Variants in SORCS2 observed in about 807,000 individuals in gnomAD.
SORCS2 encodes VPS10 domain-containing receptor SorCS2.
SORCS2 carries 100 observed loss-of-function variants against 141.6 expected under a neutral mutation model. The observed-to-expected ratio is 0.71, with a 90% confidence interval of 0.60 to 0.83. The LOEUF (loss-of-function observed/expected upper bound fraction) is 0.83, where lower values mean the gene tolerates loss of function less well. SORCS2 is among the 40% of genes least tolerant of loss of function. The pLI is 0.00. For synonymous variants in SORCS2, 789 were observed against 676.9 expected, an observed-to-expected ratio of 1.17 and a Z score of -2.57; for missense variants, 1,646 against 1,560.2, an observed-to-expected ratio of 1.05 and a Z score of -0.93.
Position 7,586,271 on chromosome 4 carries a change from C to G in SORCS2, c.649-52057C>G, listed in dbSNP as rs78680989. Among the ~76,000 whole-genome samples, 1,456 of 152,298 alleles carry G rather than the reference C, an allele frequency of 9.6e-3. 28 individuals are homozygous for G. The highest frequency in any genetic ancestry group is 0.033 in the African/African-American group (1,391 of 41,568). ...AAGTCTGTCTGTCTGGTCCCTGATT[C>G]TGTTTCTACGTTTTCATTCTGCCTT... On this transcript the variant is annotated intron_variant, in intron 3 of 26. Coordinates refer to ENST00000507866, the MANE Select transcript of SORCS2 (RefSeq NM_020777.3).
intron 2 of SORCS2, among the ~76,000 whole-genome samples, chr4:7,448,374 T>A (rs1181606079): frequency 2.0e-5 from 3 of 151,720 alleles, no homozygotes; most frequent in South Asian, 2.1e-4. Flanking sequence ...AAGGAAGGGT[T>A]TTGCCTGCCT....
At chr4:7,722,882 C>T (rs1726686238) in intron 18 of SORCS2, among the ~76,000 whole-genome samples, 1 of 152,134 alleles carries the variant, frequency 6.6e-6, no homozygotes, top group East Asian at 1.9e-4. Context: ...TTAGTAATCA[C>T]GCTGTTTCCT....
chr4:7,252,179 A>C (rs1446952560), intron 1 of SORCS2, among the ~76,000 whole-genome samples: 2 of 152,226 alleles, frequency 1.3e-5, no homozygotes, highest in East Asian at 1.9e-4. Flanking sequence ...GGGCCTCAGC[A>C]CTTGTGGAGG....
At chr4:7,421,342 A>G (rs1209201951) in intron 2 of SORCS2, among the ~76,000 whole-genome samples, 1 of 152,150 alleles carries the variant, frequency 6.6e-6, no homozygotes, top group Admixed American at 6.5e-5. Context: ...AGGCTTGTGG[A>G]CCTGATAGAT....
In SORCS2 at chr4:7,485,384, C is replaced by T. The variant is rs377240745; in HGVS notation, c.549-46146C>T. Among the ~76,000 whole-genome samples the T allele has an allele frequency of 5.3e-5, 8 of 152,224 alleles. No individual in the cohort carries two copies. In the East Asian group the frequency reaches 7.7e-4, roughly 15 times the overall value. On this transcript the variant is annotated intron_variant, in intron 2 of 26. Coordinates refer to ENST00000507866, the MANE Select transcript of SORCS2 (RefSeq NM_020777.3). ...CCCGGAGTTGCCTCCACAACTATCC[C>T]GTCACACCAGGGCTGGCTCAGGCTC...
chr4:7,695,207 G>A (rs981542072), intron 11 of SORCS2, among the ~76,000 whole-genome samples: 2 of 146,880 alleles, frequency 1.4e-5, no homozygotes, highest in Non-Finnish European at 3.0e-5. Context: ...ATTAATAAAA[G>A]ATGGATGGGA....
At chr4:7,479,096 G>C (rs764026801) in intron 2 of SORCS2, among the ~76,000 whole-genome samples, 4 of 152,078 alleles carry the variant, frequency 2.6e-5, no homozygotes, top group Non-Finnish European at 5.9e-5. Context: ...AAAGGTTACA[G>C]GTTAGGATCA....
At chr4:7,326,967 C>T (rs189121359) in intron 1 of SORCS2, among the ~76,000 whole-genome samples, 243 of 152,354 alleles carry the variant, frequency 1.6e-3, no homozygotes, top group African/African-American at 4.6e-3. Context: ...CCTGGTCACC[C>T]GTGGCTGAGG....
chr4:7,667,348 G>A (rs938019993), intron 8 of SORCS2, 135 bp downstream of exon 8: 22 of 767,702 alleles, frequency 2.9e-5, no homozygotes, highest in South Asian at 9.1e-5. Context: ...GCCACGCTTC[G>A]TCCAGCTGCT....
rs144951494 is a variant in SORCS2 at position 7,521,349 on chromosome 4, C to T, written c.549-10181C>T. 9.2e-5 allele frequency among the ~76,000 whole-genome samples: 14 copies of T among 152,258 alleles called. No individual in the cohort carries two copies. The East Asian group carries it at 9.7e-4, about 11-fold the overall frequency. On this transcript the variant is annotated intron_variant, in intron 2 of 26. Coordinates refer to ENST00000507866, the MANE Select transcript of SORCS2 (RefSeq NM_020777.3). ...CGTCCCTAACACTGGGCACCCCCTC[C>T]GGCACCGGGCTGCACTTCCTTCCCC...
intron 5 of SORCS2, among the ~76,000 whole-genome samples, chr4:7,656,879 A>T (rs1374086190): frequency 6.6e-6 from 1 of 152,212 alleles, no homozygotes; most frequent in Non-Finnish European, 1.5e-5. Flanking sequence ...AGCTGCCCTC[A>T]GCACAAATGG....
chr4:7,238,891 A>C (rs1384201168), intron 1 of SORCS2, among the ~76,000 whole-genome samples: 1 of 151,748 alleles, frequency 6.6e-6, no homozygotes, highest in Non-Finnish European at 1.5e-5. Flanking sequence ...ACTCTTTACC[A>C]CTGCTGGCCT....
intron 1 of SORCS2, among the ~76,000 whole-genome samples, chr4:7,394,197 C>T (rs970510367): frequency 1.3e-5 from 2 of 152,170 alleles, no homozygotes; most frequent in Non-Finnish European, 2.9e-5. Context: ...GCACTGGCCT[C>T]TGCCCGACTT....
At chr4:7,548,964 G>T (rs1713478021) in intron 3 of SORCS2, among the ~76,000 whole-genome samples, 1 of 152,162 alleles carries the variant, frequency 6.6e-6, no homozygotes, top group African/African-American at 2.4e-5. Flanking sequence ...ATAGCCTGGG[G>T]AGCTGATGCT....
intron 2 of SORCS2, among the ~76,000 whole-genome samples, chr4:7,403,648 G>A (rs4417970): frequency 0.033 from 4,984 of 151,966 alleles, 205 homozygotes; most frequent in Admixed American, 0.13. Flanking sequence ...ATTTATCAGC[G>A]TCTCTGATAC....
intron 6 of SORCS2, 81 bp downstream of exon 6, chr4:7,661,645 C>T (rs1285009329): frequency 1.5e-6 from 2 of 1,326,574 alleles, no homozygotes; most frequent in Non-Finnish European, 2.1e-6. Context: ...TGTGTTCAGT[C>T]GCTTGTCCGC....
chr4:7,543,183 G>C, intron 3 of SORCS2, among the ~76,000 whole-genome samples: 1 of 152,196 alleles, frequency 6.6e-6, no homozygotes, highest in African/African-American at 2.4e-5. Flanking sequence ...TGTGCTGGTT[G>C]GTTGGTTTGC....
chr4:7,629,178 T>C (rs2108844047), intron 3 of SORCS2, among the ~76,000 whole-genome samples: 1 of 152,314 alleles, frequency 6.6e-6, no homozygotes, highest in Non-Finnish European at 1.5e-5. Context: ...CGTATGTATG[T>C]ATATACACAT....
intron 2 of SORCS2, among the ~76,000 whole-genome samples, chr4:7,471,592 C>T (rs544921492): frequency 2.0e-5 from 3 of 152,356 alleles, no homozygotes; most frequent in Admixed American, 2.0e-4. Flanking sequence ...GTTCTCGGTT[C>T]CTGGACTCAT....
Sources: gnomAD v4.1 joint callset for allele counts (sites outside exome capture counted in the v4.1 genomes callset) on GRCh38, gnomAD v4.1.1 for gene constraint, MANE v1.5 for transcripts, NCBI Gene and HGNC (gene_info 2026-07-23, HGNC 2026-07-21) for gene names.